The following MARCHF1 variants were observed in gnomAD, a reference collection of about 807,000 sequenced individuals.
The protein encoded by MARCHF1 is E3 ubiquitin-protein ligase MARCHF1.
A neutral mutation model predicts 54.2 loss-of-function variants in MARCHF1; 40 were observed. The observed-to-expected ratio is 0.74, with a 90% CI of 0.57 to 0.96. MARCHF1 has a LOEUF of 0.96. MARCHF1 is among the 40% of genes least tolerant of loss of function. The pLI, the probability that MARCHF1 is intolerant of heterozygous loss-of-function variation, is 0.00. For synonymous variants in MARCHF1, 236 were observed against 236.3 expected (o/e 1.00, Z 0.01); for missense variants, 586 against 656.5 (o/e 0.89, Z 1.17).
At chr4:164,267,490 T>C (rs1733639587) in intron 1 of MARCHF1, among the ~76,000 whole-genome samples, 1 of 152,184 alleles carries the variant, frequency 6.6e-6, no homozygotes. Flanking sequence ...AAGAAATTGA[T>C]GATTGCCTGT....
chr4:164,149,224 C>T (rs537836146), intron 1 of MARCHF1, among the ~76,000 whole-genome samples: 1 of 152,148 alleles, frequency 6.6e-6, no homozygotes, highest in African/African-American at 2.4e-5. Context: ...TTTGTACATC[C>T]TGCAGAACTG....
At chr4:163,978,785 G>A (rs1242517379) in intron 3 of MARCHF1, among the ~76,000 whole-genome samples, 2 of 152,074 alleles carry the variant, frequency 1.3e-5, no homozygotes, top group Non-Finnish European at 2.9e-5. Flanking sequence ...CCAGGCTGGA[G>A]TACAGTGGCT....
rs552077720 is a variant in MARCHF1 at position 164,101,005 on chromosome 4, T to A, written c.-248+10583A>T. 7.2e-5 allele frequency among the ~76,000 whole-genome samples: 11 copies of A among 152,306 alleles called. No homozygotes were observed. In the East Asian group the frequency reaches 1.7e-3, roughly 24 times the overall value. ...TGAGTCAAAGAAAGGGGTGACGGAC[T>A]GCACCTGGAAAATCAGGTCACTCCC... is the stretch of plus-strand genomic sequence containing the variant. On this transcript the variant is annotated intron_variant, in intron 2 of 9. Coordinates refer to ENST00000514618, the MANE Select transcript of MARCHF1 (RefSeq NM_001394959.1).
At chr4:164,098,139 G>A (rs1383904995) in intron 2 of MARCHF1, among the ~76,000 whole-genome samples, 2 of 152,066 alleles carry the variant, frequency 1.3e-5, no homozygotes, top group Admixed American at 6.6e-5. Flanking sequence ...CTTACCACTT[G>A]CTCTTTCCCG....
chr4:163,702,337 A>G (rs1744834424), intron 4 of MARCHF1, among the ~76,000 whole-genome samples: 1 of 152,232 alleles, frequency 6.6e-6, no homozygotes, highest in Admixed American at 6.5e-5. Flanking sequence ...TCTAGAGACT[A>G]GAAAACAAAA....
chr4:163,842,352 C>G (rs1204534405), intron 4 of MARCHF1, among the ~76,000 whole-genome samples: 1 of 151,504 alleles, frequency 6.6e-6, no homozygotes, highest in Admixed American at 6.6e-5. Context: ...TCATGTATCT[C>G]TAAGATATAT....
At chr4:164,161,525 A>AATCATCATCATC (rs71600682) in intron 1 of MARCHF1, among the ~76,000 whole-genome samples, 50 of 149,648 alleles carry the variant, frequency 3.3e-4, no homozygotes, top group Non-Finnish European at 4.5e-4. Flanking sequence ...GTGATATCAA[A>AATCATCATCATC]ATCATCATCA....
At chr4:164,072,933 T>C (rs1363262618) in intron 2 of MARCHF1, among the ~76,000 whole-genome samples, 3 of 152,264 alleles carry the variant, frequency 2.0e-5, no homozygotes, top group East Asian at 3.9e-4. Context: ...AAATTAGTAG[T>C]AGTGATATCA....
At chr4:164,127,955 C>T (rs1756220557) in intron 1 of MARCHF1, among the ~76,000 whole-genome samples, 3 of 152,028 alleles carry the variant, frequency 2.0e-5, no homozygotes, top group African/African-American at 7.2e-5. Context: ...AACAGTAAAA[C>T]ATAATATAAT....
chr4:164,230,684 T>G (rs1441338494), intron 1 of MARCHF1, among the ~76,000 whole-genome samples: 1 of 152,156 alleles, frequency 6.6e-6, no homozygotes, highest in African/African-American at 2.4e-5. Flanking sequence ...ACCTCCAGGC[T>G]GACATCTGGA....
chr4:164,064,880 G>T (rs1379904489), intron 2 of MARCHF1, among the ~76,000 whole-genome samples: 1 of 152,116 alleles, frequency 6.6e-6, no homozygotes, highest in Non-Finnish European at 1.5e-5. Flanking sequence ...TTTATTGAAG[G>T]CCTTTTCTGC....
intron 4 of MARCHF1, among the ~76,000 whole-genome samples, chr4:163,850,058 G>A (rs2111159716): frequency 6.6e-6 from 1 of 152,288 alleles, no homozygotes; most frequent in Admixed American, 6.5e-5. Context: ...GTCGGGAGGA[G>A]AAAGGACTCA....
intron 4 of MARCHF1, among the ~76,000 whole-genome samples, chr4:163,702,303 T>G (rs1437312342): frequency 2.0e-5 from 3 of 152,152 alleles, no homozygotes; most frequent in Non-Finnish European, 4.4e-5. Context: ...GGAGGCACTT[T>G]TCTACTGACG....
chr4:163,629,548 T>C (rs112249172), intron 5 of MARCHF1, among the ~76,000 whole-genome samples: 5,363 of 152,070 alleles, frequency 0.035, 314 homozygotes, highest in East Asian at 0.2. Flanking sequence ...CAAGCGAAAA[T>C]TGACAAATGG....
intron 1 of MARCHF1, among the ~76,000 whole-genome samples, chr4:164,297,729 T>G (rs1579699112): frequency 1.3e-5 from 2 of 152,174 alleles, no homozygotes; most frequent in Admixed American, 1.3e-4. Flanking sequence ...TTGATAAATA[T>G]ACCCATGGTT....
intron 3 of MARCHF1, among the ~76,000 whole-genome samples, chr4:163,881,249 C>T (rs1012511830): frequency 5.3e-5 from 8 of 151,946 alleles, no homozygotes; most frequent in South Asian, 2.1e-4. Context: ...CCGAGGCGGG[C>T]GGATTATCTG....
At chr4:164,119,585 TA>T (rs1481529920) in intron 1 of MARCHF1, among the ~76,000 whole-genome samples, 3 of 151,550 alleles carry the variant, frequency 2.0e-5, no homozygotes, top group Non-Finnish European at 4.4e-5. Context: ...TGACAATTAA[TA>T]AAAACATGAG....
At chr4:164,298,695 A>C (rs1259804432) in intron 1 of MARCHF1, among the ~76,000 whole-genome samples, 3 of 152,082 alleles carry the variant, frequency 2.0e-5, no homozygotes, top group African/African-American at 7.2e-5. Context: ...TATAACTCTA[A>C]GGTTATGGAT....
At chr4:164,061,383 T>C (rs1305933646) in intron 2 of MARCHF1, among the ~76,000 whole-genome samples, 1 of 151,714 alleles carries the variant, frequency 6.6e-6, no homozygotes, top group Non-Finnish European at 1.5e-5. Context: ...ACCTTGGAGA[T>C]ATTGTAGGTT....
Sources: gnomAD v4.1 joint callset for allele counts (sites outside exome capture counted in the v4.1 genomes callset) on GRCh38, gnomAD v4.1.1 for gene constraint, MANE v1.5 for transcripts, NCBI Gene and HGNC (gene_info 2026-07-23, HGNC 2026-07-21) for gene names.